TNIP3: variants seen among roughly 807,000 people sequenced by gnomAD.
TNIP3 encodes the protein TNFAIP3 interacting protein 3, also known as TNFAIP3-interacting protein 3.
Under a neutral mutation model 54.1 loss-of-function variants are expected in TNIP3, and 34 were observed. That is an observed-to-expected ratio of 0.63 (90% CI 0.48 to 0.84). The LOEUF is 0.84. TNIP3 is among the 40% of genes least tolerant of loss of function. The pLI is 0.00. For missense variants in TNIP3, 366 were observed against 387.6 expected (o/e 0.94, Z 0.47); for synonymous variants, 134 against 136.8 (o/e 0.98, Z 0.14).
At chr4:121,138,594 A>T (rs1456376195) in intron 10 of TNIP3, 30 bp downstream of exon 10, 1 of 1,605,130 alleles carries the variant, frequency 6.2e-7, no homozygotes, top group Admixed American at 1.7e-5. Context: ...TGTAAACATG[A>T]AAGAATGCTC....
chr4:121,192,898 G>T (rs990965640), intron 2 of TNIP3: 1 of 152,160 alleles, frequency 6.6e-6, no homozygotes, highest in Non-Finnish European at 1.5e-5. Context: ...CTGCTGAAGT[G>T]AGCACAATTA....
intron 1 of TNIP3, among the ~76,000 whole-genome samples, chr4:121,225,784 G>A (rs995360274): frequency 6.6e-5 from 10 of 152,024 alleles, no homozygotes; most frequent in Non-Finnish European, 1.3e-4. Flanking sequence ...CTTGGCCCCC[G>A]ACCTGGACAA....
intron 3 of TNIP3, chr4:121,182,665 T>C: frequency 6.5e-7 from 1 of 1,533,734 alleles, no homozygotes; most frequent in South Asian, 1.2e-5. Context: ...AGAAAAAAGG[T>C]GTTTTCTTAC....
chr4:121,172,734 A>T (rs954751848), intron 3 of TNIP3, among the ~76,000 whole-genome samples: 7 of 152,200 alleles, frequency 4.6e-5, no homozygotes, highest in African/African-American at 1.7e-4. Context: ...AGGTACCATT[A>T]TGTGTAGGGA....
At chr4:121,198,183 G>A (rs909487141) in intron 2 of TNIP3, among the ~76,000 whole-genome samples, 3 of 150,892 alleles carry the variant, frequency 2.0e-5, no homozygotes, top group Admixed American at 2.0e-4. Context: ...GTAAGAGAAA[G>A]TAAGCAATGA....
At chr4:121,227,483 TAA>T, upstream of TNIP3, 1 of 1,063,950 alleles carries the variant, frequency 9.4e-7, no homozygotes, top group Non-Finnish European at 1.4e-6. Flanking sequence ...AAACAGTAAC[TAA>T]GTGGTTTAAG....
chr4:121,192,228 G>A (rs1477807542), intron 2 of TNIP3, among the ~76,000 whole-genome samples: 1 of 152,114 alleles, frequency 6.6e-6, no homozygotes, highest in Non-Finnish European at 1.5e-5. Context: ...CTCAATCGAC[G>A]CCTGAACTGT....
chr4:121,183,695 G>A (rs967732449), intron 2 of TNIP3, among the ~76,000 whole-genome samples: 8 of 151,996 alleles, frequency 5.3e-5, no homozygotes, highest in African/African-American at 1.2e-4. Flanking sequence ...ATCCTATTGC[G>A]AACTGCACAT....
chr4:121,135,063 A>G (rs941420161), intron 10 of TNIP3, among the ~76,000 whole-genome samples: 1 of 152,180 alleles, frequency 6.6e-6, no homozygotes, highest in Admixed American at 6.5e-5. Context: ...TATGATGGGA[A>G]GGTGGGGAGA....
upstream of TNIP3, chr4:121,216,664 A>C (rs545415310): frequency 1.4e-6 from 2 of 1,417,872 alleles, no homozygotes; most frequent in Non-Finnish European, 1.8e-6. Context: ...CTGAGAAGAC[A>C]GACCACAAGC....
At position 121,132,253 on chromosome 4, in the gene TNIP3, T is replaced by C. The variant is rs1008584165; in HGVS notation, c.*378A>G. ...ACACACACACACACACACACACACA[T>C]ATGCACTTTAAATCAACATACAATA... On this transcript the variant is annotated 3_prime_UTR_variant, in exon 11 of 11. Coordinates refer to ENST00000057513, the MANE Select transcript of TNIP3 (RefSeq NM_024873.6). The C allele has an allele frequency of 5.0e-4, 94 of 187,560 alleles. No homozygotes were observed. The highest frequency in any genetic ancestry group is 8.9e-4 in the Admixed American group (15 of 16,818). The allele number at this position is 187,560 out of a possible 1,614,324, so 11.6% of individuals were successfully genotyped here.
chr4:121,178,726 G>T (rs1347478733), intron 3 of TNIP3, among the ~76,000 whole-genome samples: 1 of 152,172 alleles, frequency 6.6e-6, no homozygotes, highest in Non-Finnish European at 1.5e-5. Context: ...ATTTGTAGGG[G>T]AATTATAGGG....
chr4:121,180,180 C>G (rs1367725822), intron 3 of TNIP3, among the ~76,000 whole-genome samples: 1 of 152,112 alleles, frequency 6.6e-6, no homozygotes, highest in Non-Finnish European at 1.5e-5. Context: ...GCGGGTGGAT[C>G]AAGAGGTCAG....
intron 3 of TNIP3, among the ~76,000 whole-genome samples, chr4:121,182,422 A>G (rs1489481260): frequency 6.6e-6 from 1 of 152,166 alleles, no homozygotes; most frequent in African/African-American, 2.4e-5. Flanking sequence ...TGATCTCCTC[A>G]CCTTCTTGTA....
intron 2 of TNIP3, among the ~76,000 whole-genome samples, chr4:121,207,216 G>A (rs956838998): frequency 6.6e-6 from 1 of 152,040 alleles, no homozygotes; most frequent in South Asian, 2.1e-4. Context: ...GAATTGTTCA[G>A]AAGTACAGAA....
chr4:121,223,290 T>G (rs901253982), intron 1 of TNIP3, among the ~76,000 whole-genome samples: 1 of 152,254 alleles, frequency 6.6e-6, no homozygotes, highest in Non-Finnish European at 1.5e-5. Flanking sequence ...TTATCAGATA[T>G]CTTTGCATAC....
At chr4:121,174,197 C>T (rs952715243) in intron 3 of TNIP3, among the ~76,000 whole-genome samples, 1 of 152,072 alleles carries the variant, frequency 6.6e-6, no homozygotes, top group South Asian at 2.1e-4. Context: ...ATTTCAACAC[C>T]GTATCTATAG....
At chr4:121,205,090 G>A (rs755724191) in intron 2 of TNIP3, among the ~76,000 whole-genome samples, 9 of 152,116 alleles carry the variant, frequency 5.9e-5, no homozygotes, top group Non-Finnish European at 1.5e-5. Context: ...CAGGTAATAG[G>A]TGTCATAGAA....
chr4:121,209,097 GT>G (rs1726337417), intron 2 of TNIP3, among the ~76,000 whole-genome samples: 1 of 152,246 alleles, frequency 6.6e-6, no homozygotes, highest in Non-Finnish European at 1.5e-5. Context: ...AAGCTTCCTG[GT>G]TGGTAACACA....
Sources: gnomAD v4.1 joint callset for allele counts (sites outside exome capture counted in the v4.1 genomes callset) on GRCh38, gnomAD v4.1.1 for gene constraint, MANE v1.5 for transcripts, NCBI Gene and HGNC (gene_info 2026-07-23, HGNC 2026-07-21) for gene names.